Variants in RUNDC3B observed in about 807,000 individuals in gnomAD.
The protein encoded by RUNDC3B is RUN domain containing 3B, also known as RUN domain-containing protein 3B.
Under a neutral mutation model 58.4 loss-of-function variants are expected in RUNDC3B, and 33 were observed. The ratio of observed to expected loss-of-function variants is 0.56; its 90% confidence interval spans 0.43 to 0.75. The LOEUF is 0.75. Ranked by LOEUF, RUNDC3B falls within the 30% of genes least tolerant of loss-of-function variation. The pLI, the probability that RUNDC3B is intolerant of heterozygous loss-of-function variation, is 0.00. For missense variants in RUNDC3B, 501 were observed against 535.7 expected, an observed-to-expected ratio of 0.94 and a Z score of 0.64; for synonymous variants, 193 against 195.2, an observed-to-expected ratio of 0.99 and a Z score of 0.10.
chr7:87,820,128 G>A (rs985894345), intron 10 of RUNDC3B, among the ~76,000 whole-genome samples: 3 of 152,014 alleles, frequency 2.0e-5, no homozygotes, highest in Non-Finnish European at 4.4e-5. Context: ...CAACAAAATC[G>A]TTAGACCGCT....
intron 7 of RUNDC3B, among the ~76,000 whole-genome samples, chr7:87,775,877 T>A (rs548381160): frequency 2.6e-5 from 4 of 152,284 alleles, no homozygotes; most frequent in African/African-American, 9.6e-5. Flanking sequence ...GTAAGTACAC[T>A]CTGTAGTGTT....
In RUNDC3B at chr7:87,753,093, G is replaced by C. The variant is rs199879060; in HGVS notation, c.629+11514G>C. 2.6e-5 allele frequency among the ~76,000 whole-genome samples: 4 copies of C among 152,040 alleles called. No individual in the cohort carries two copies. In the East Asian group the frequency reaches 7.7e-4, roughly 29 times the overall value. Reference sequence around the variant, plus strand: ...ATGTTGTGTCTGTTCTCATTGGTTTGAAAGAACATCTTTATTTCTGCCTTC... The same window carrying C: ...ATGTTGTGTCTGTTCTCATTGGTTTCAAAGAACATCTTTATTTCTGCCTTC... On this transcript the variant is annotated intron_variant, in intron 6 of 10. Transcript: ENST00000394654.
chr7:87,796,292 T>A (rs559034027), intron 8 of RUNDC3B, among the ~76,000 whole-genome samples: 1 of 152,200 alleles, frequency 6.6e-6, no homozygotes, highest in South Asian at 2.1e-4. Context: ...AGTAGGAAGA[T>A]GTTTATCAGA....
At chr7:87,657,974 A>G (rs1173845876) in intron 2 of RUNDC3B, among the ~76,000 whole-genome samples, 1 of 152,198 alleles carries the variant, frequency 6.6e-6, no homozygotes, top group African/African-American at 2.4e-5. Context: ...CCAGAGTTTC[A>G]TAACATAATA....
At chr7:87,730,442 G>A (rs2130792569) in intron 4 of RUNDC3B, among the ~76,000 whole-genome samples, 1 of 151,902 alleles carries the variant, frequency 6.6e-6, no homozygotes, top group East Asian at 2.0e-4. Flanking sequence ...CACAGACCTG[G>A]GATGGTGGTG....
At chr7:87,722,714 ACT>A (rs1830975957) in intron 4 of RUNDC3B, among the ~76,000 whole-genome samples, 1 of 152,010 alleles carries the variant, frequency 6.6e-6, no homozygotes, top group South Asian at 2.1e-4. Flanking sequence ...AGCACTACCA[ACT>A]CTCTTTTTCT....
chr7:87,633,425 C>A (rs1446774831), intron 1 of RUNDC3B, among the ~76,000 whole-genome samples: 1 of 152,170 alleles, frequency 6.6e-6, no homozygotes, highest in Admixed American at 6.5e-5. Context: ...GCCCACTGTG[C>A]AGTGGTTGCC....
chr7:87,709,227 A>C, intron 3 of RUNDC3B: 1 of 984,734 alleles, frequency 1.0e-6, no homozygotes, highest in South Asian at 4.7e-5. Flanking sequence ...TACATTTCTT[A>C]TCTAGTAACA....
chr7:87,814,610 T>C (rs1273034310), intron 9 of RUNDC3B, among the ~76,000 whole-genome samples: 1 of 152,142 alleles, frequency 6.6e-6, no homozygotes, highest in Admixed American at 6.6e-5. Context: ...TTCATATATA[T>C]AATATATGTA....
intron 2 of RUNDC3B, among the ~76,000 whole-genome samples, chr7:87,668,119 CTT>C (rs368910521): frequency 7.3e-6 from 1 of 137,688 alleles, no homozygotes; most frequent in Admixed American, 7.2e-5. Flanking sequence ...AGGCCCTTGG[CTT>C]TTTTTTTTTT....
intron 2 of RUNDC3B, among the ~76,000 whole-genome samples, chr7:87,689,498 ATTTAC>A (rs1420636056): frequency 2.6e-5 from 4 of 152,104 alleles, no homozygotes; most frequent in African/African-American, 7.2e-5. Context: ...TTGCGCTAAT[ATTTAC>A]TTTATTGTGC....
intron 4 of RUNDC3B, among the ~76,000 whole-genome samples, chr7:87,725,543 A>G (rs1429422452): frequency 1.3e-5 from 2 of 152,212 alleles, no homozygotes; most frequent in Non-Finnish European, 2.9e-5. Flanking sequence ...TAGTGCCACA[A>G]TAAACATATG....
rs1314736391 is a variant in RUNDC3B at position 87,784,750 on chromosome 7, AG to A, written c.956+6801del. ...GAGATGTGGTTGGGGGAGATGTGGT[AG>A]GGGGGAGATGTTGTTGGGGGGTAGA... On this transcript the variant is annotated intron_variant, in intron 8 of 10. Transcript: ENST00000394654. 2.3e-3 allele frequency among the ~76,000 whole-genome samples: 90 copies of A among 39,998 alleles called. No individual in the cohort carries two copies. In the Middle Eastern group the frequency reaches 0.056, roughly 25 times the overall value. 26.2% of individuals were successfully genotyped at this position (39,998 alleles called of 152,430 possible).
At chr7:87,740,486 C>G (rs917642494) in intron 5 of RUNDC3B, among the ~76,000 whole-genome samples, 1 of 151,910 alleles carries the variant, frequency 6.6e-6, no homozygotes, top group Non-Finnish European at 1.5e-5. Context: ...CCAGATTTTA[C>G]ATTATATTGA....
At chr7:87,750,912 T>C (rs1832941560) in intron 6 of RUNDC3B, among the ~76,000 whole-genome samples, 1 of 152,102 alleles carries the variant, frequency 6.6e-6, no homozygotes, top group Non-Finnish European at 1.5e-5. Context: ...TTTTGGCTTT[T>C]GTTGCCATTG....
chr7:87,711,854 T>C (rs1443150807), intron 4 of RUNDC3B, among the ~76,000 whole-genome samples: 1 of 152,138 alleles, frequency 6.6e-6, no homozygotes, highest in Admixed American at 6.5e-5. Flanking sequence ...CTACCGTTCT[T>C]TTTTCTACCT....
intron 10 of RUNDC3B, among the ~76,000 whole-genome samples, chr7:87,825,205 C>T (rs1004238460): frequency 9.9e-5 from 15 of 151,598 alleles, no homozygotes; most frequent in African/African-American, 2.9e-4. Flanking sequence ...GGTGACAGAG[C>T]GAGACTCCAT....
At chr7:87,827,853 T>C (rs1837906078) in intron 10 of RUNDC3B, among the ~76,000 whole-genome samples, 1 of 152,110 alleles carries the variant, frequency 6.6e-6, no homozygotes, top group Admixed American at 6.5e-5. Context: ...CTCAAAAATG[T>C]TCAGAAGTTA....
intron 2 of RUNDC3B, among the ~76,000 whole-genome samples, chr7:87,699,419 T>C (rs962281800): frequency 1.4e-4 from 21 of 152,246 alleles, no homozygotes; most frequent in African/African-American, 4.8e-4. Flanking sequence ...AGAATTCTTT[T>C]TTTTTACAGA....
Sources: allele counts gnomAD v4.1 joint callset (sites outside exome capture counted in the v4.1 genomes callset), GRCh38; gene constraint gnomAD v4.1.1; transcripts MANE v1.5; gene names NCBI Gene and HGNC (gene_info 2026-07-23, HGNC 2026-07-21).